Variants in VEZT observed in about 807,000 individuals in gnomAD.
The protein encoded by VEZT is vezatin, adherens junctions transmembrane protein.
In VEZT, 39 loss-of-function variants were observed where a neutral mutation model predicts 79.9. The observed-to-expected ratio is 0.49, with a 90% CI of 0.38 to 0.64. The LOEUF (loss-of-function observed/expected upper bound fraction) is 0.64. Ranked by LOEUF, VEZT falls within the 30% of genes least tolerant of loss-of-function variation. The pLI, the probability that VEZT is intolerant of heterozygous loss-of-function variation, is 0.00. For synonymous variants in VEZT, 325 were observed against 327.6 expected (o/e 0.99, Z 0.09); for missense variants, 837 against 893.1 (o/e 0.94, Z 0.80).
chr12:95,289,417 C>CAA (rs146728004), intron 9 of VEZT, among the ~76,000 whole-genome samples: 190 of 69,304 alleles, frequency 2.7e-3, no homozygotes, highest in Admixed American at 3.7e-3. Flanking sequence ...ACTCTTGTCT[C>CAA]AAAAAAAAAA....
At chr12:95,296,363 G>T in intron 11 of VEZT, 105 bp downstream of exon 11, 2 of 1,100,964 alleles carry the variant, frequency 1.8e-6, no homozygotes, top group Non-Finnish European at 2.6e-6. Flanking sequence ...GTTTTATAAG[G>T]GTCCACCAGT....
intron 1 of VEZT, among the ~76,000 whole-genome samples, chr12:95,245,103 G>C (rs771344319): frequency 2.6e-5 from 4 of 152,004 alleles, no homozygotes; most frequent in African/African-American, 9.7e-5. Context: ...GTGTAGTAGC[G>C]CATGCCTGTA....
At chr12:95,240,494 A>G (rs2060872619) in intron 1 of VEZT, among the ~76,000 whole-genome samples, 1 of 152,236 alleles carries the variant, frequency 6.6e-6, no homozygotes, top group Non-Finnish European at 1.5e-5. Flanking sequence ...AAACGATGTT[A>G]TATAGAAAAT....
intron 2 of VEZT, among the ~76,000 whole-genome samples, chr12:95,253,585 A>AG (rs1566103439): frequency 6.6e-6 from 1 of 152,240 alleles, no homozygotes; most frequent in African/African-American, 2.4e-5. Context: ...AAGAATGGCC[A>AG]GGGGATAGTC....
intron 1 of VEZT, among the ~76,000 whole-genome samples, chr12:95,222,001 T>A (rs1227780612): frequency 6.6e-6 from 1 of 152,246 alleles, no homozygotes; most frequent in Non-Finnish European, 1.5e-5. Flanking sequence ...ATGCAAATAC[T>A]ATGCCATTTT....
chr12:95,297,629 GCTCT>G (rs750452993), intron 11 of VEZT, among the ~76,000 whole-genome samples: 6 of 151,986 alleles, frequency 3.9e-5, no homozygotes, highest in Non-Finnish European at 5.9e-5. Flanking sequence ...ATTGATGATG[GCTCT>G]CTATCTTAAA....
At chr12:95,299,934 T>C in intron 11 of VEZT, 1 of 303,982 alleles carries the variant, frequency 3.3e-6, no homozygotes, top group Non-Finnish European at 5.9e-6. Context: ...ATATGTGAGG[T>C]GTCATAAAAA....
At chr12:95,220,074 TACATAA>T (rs1401026640) in intron 1 of VEZT, among the ~76,000 whole-genome samples, 1 of 152,220 alleles carries the variant, frequency 6.6e-6, no homozygotes, top group African/African-American at 2.4e-5. Context: ...CAGTATAATT[TACATAA>T]GGACAGGGCA....
In VEZT at chr12:95,284,722, G is replaced by A. The variant is rs184423336; in HGVS notation, c.1328+2078G>A. Reference sequence around the variant, plus strand: ...AGCTTTTGCCATTAAAAGTAAGGGCGGGCCAGGCGAGGTAGCTCACGCCTG... The same window carrying A: ...AGCTTTTGCCATTAAAAGTAAGGGCAGGCCAGGCGAGGTAGCTCACGCCTG... On this transcript the variant is annotated intron_variant, in intron 8 of 11. Transcript: ENST00000436874. 4.3e-4 allele frequency among the ~76,000 whole-genome samples: 66 copies of A among 152,248 alleles called. 1 individual carries two copies. Among genetic ancestry groups the A allele is most frequent in the African/African-American group, 1.5e-3 (63 of 41,544 alleles).
intron 3 of VEZT, among the ~76,000 whole-genome samples, chr12:95,260,949 C>G (rs2064342084): frequency 7.5e-6 from 1 of 134,048 alleles, no homozygotes; most frequent in African/African-American, 2.9e-5. Context: ...GGCAGTTGTT[C>G]AAATATGAAA....
At chr12:95,265,828 A>G (rs548724405) in intron 4 of VEZT, among the ~76,000 whole-genome samples, 53 of 152,286 alleles carry the variant, frequency 3.5e-4, no homozygotes, top group Non-Finnish European at 6.5e-4. Context: ...AAAAGGAAAG[A>G]GAAGGAAGAG....
rs2067319160 is a variant in VEZT at position 95,274,867 on chromosome 12, GC to G, written c.975del (p.Phe326SerfsTer6). On this transcript the variant is annotated frameshift_variant, in exon 7 of 12. Transcript: ENST00000436874. LOFTEE classifies it high-confidence loss of function. Reference sequence around the variant, plus strand: ...GAGGAAGCACATAACTTTACAGATGGCTTCAGCCTGCCTGCATTGAAGGTAA... The same window carrying G: ...GAGGAAGCACATAACTTTACAGATGGTTCAGCCTGCCTGCATTGAAGGTAA... ...SEEEAHNFTD[G>X]FSLPALKVLF... 9 of 1,613,364 alleles carry G rather than the reference GC, an allele frequency of 5.6e-6. No homozygotes were observed. The highest frequency in any genetic ancestry group is 7.6e-6 in the Non-Finnish European group (9 of 1,179,672).
At chr12:95,220,678 G>A (rs924347190) in intron 1 of VEZT, among the ~76,000 whole-genome samples, 1 of 149,810 alleles carries the variant, frequency 6.7e-6, no homozygotes, top group South Asian at 2.1e-4. Context: ...TGTGAGATTC[G>A]TCCATATTGT....
At chr12:95,257,862 A>C (rs1182651859) in intron 3 of VEZT, among the ~76,000 whole-genome samples, 1 of 151,864 alleles carries the variant, frequency 6.6e-6, no homozygotes, top group Non-Finnish European at 1.5e-5. Context: ...TTGTAAGGAG[A>C]TTGTTTACAA....
At chr12:95,291,648 C>T (rs1188428639) in intron 9 of VEZT, among the ~76,000 whole-genome samples, 1 of 152,164 alleles carries the variant, frequency 6.6e-6, no homozygotes, top group East Asian at 1.9e-4. Context: ...ATTTGGCAAG[C>T]CCCTGCTTTC....
intron 1 of VEZT, among the ~76,000 whole-genome samples, chr12:95,223,347 C>G (rs2057912173): frequency 6.6e-6 from 1 of 152,032 alleles, no homozygotes; most frequent in African/African-American, 2.4e-5. Context: ...TCTTAGTAGT[C>G]TCTTTAGTTT....
intron 4 of VEZT, among the ~76,000 whole-genome samples, chr12:95,264,298 A>T (rs1349726242): frequency 6.6e-6 from 1 of 152,226 alleles, no homozygotes; most frequent in East Asian, 1.9e-4. Context: ...ACCCACAAAT[A>T]TAATCAAGCA....
chr12:95,266,654 T>C, intron 5 of VEZT, 22 bp downstream of exon 5: 1 of 1,556,532 alleles, frequency 6.4e-7, no homozygotes, highest in Non-Finnish European at 8.7e-7. Context: ...TTTTATTTTA[T>C]TTCTTAAATG....
intron 7 of VEZT, among the ~76,000 whole-genome samples, chr12:95,276,616 CTAAG>C (rs956956104): frequency 5.3e-5 from 8 of 152,102 alleles, no homozygotes; most frequent in African/African-American, 1.9e-4. Context: ...TAAGTTCCTA[CTAAG>C]TATTTAGTAA....
Sources: gnomAD v4.1 joint callset for allele counts (sites outside exome capture counted in the v4.1 genomes callset) on GRCh38, gnomAD v4.1.1 for gene constraint, MANE v1.5 for transcripts, NCBI Gene and HGNC (gene_info 2026-07-23, HGNC 2026-07-21) for gene names.